The following RTEL1 variants were observed in gnomAD, a reference collection of about 807,000 sequenced individuals.
The protein encoded by RTEL1 is regulator of telomere length.
Under a neutral mutation model 162.2 loss-of-function variants are expected in RTEL1, and 86 were observed. The ratio of observed to expected loss-of-function variants is 0.53; its 90% CI spans 0.45 to 0.63. The LOEUF is 0.63. RTEL1 is among the 30% of genes least tolerant of loss of function. RTEL1 has a pLI of 0.00. For missense variants in RTEL1, 1,941 were observed against 1,750.2 expected (o/e 1.11, Z -1.95); for synonymous variants, 958 against 717.9 (o/e 1.33, Z -5.35).
chr20:63,693,386 C>G (rs937216246), intron 30 of RTEL1, 103 bp downstream of exon 30: 2 of 1,430,528 alleles, frequency 1.4e-6, no homozygotes, highest in Non-Finnish European at 1.9e-6. Context: ...CCTGCTTGGC[C>G]CCGCCTCTCT....
At chr20:63,683,409 G>A (rs1040642808) in intron 14 of RTEL1, among the ~76,000 whole-genome samples, 2 of 152,234 alleles carry the variant, frequency 1.3e-5, no homozygotes, top group African/African-American at 4.8e-5. Context: ...CCTGTGTTTA[G>A]CTGTCTTGAC....
intron 21 of RTEL1, chr20:63,688,813 C>G (rs1292075948): frequency 1.6e-6 from 1 of 634,028 alleles, no homozygotes; most frequent in Non-Finnish European, 2.7e-6. Flanking sequence ...TAACAGTGGC[C>G]CTCCTGTCTG....
chr20:63,661,997 C>CA lies in RTEL1; in HGVS notation c.395+55dup. ...GGGGTCCTCAAGAGAACCAGCTTGGCATGGTGCTGAGTCCACAGCCCCATG... is the reference window on the plus strand; with the variant it reads ...GGGGTCCTCAAGAGAACCAGCTTGGCAATGGTGCTGAGTCCACAGCCCCATG... On this transcript the variant is annotated intron_variant, in intron 4 of 34. Coordinates refer to ENST00000360203, the MANE Select transcript of RTEL1 (RefSeq NM_001283009.2). The surrounding 1 kb of genome is among the most constrained non-coding windows in gnomAD (Gnocchi z 5.1). 7.4e-7 allele frequency: 1 copy of CA among 1,357,822 alleles called. No individual in the cohort carries two copies. Among genetic ancestry groups the CA allele is most frequent in the Non-Finnish European group, 1.1e-6 (1 of 947,788 alleles). 84.1% of individuals were successfully genotyped at this position (1,357,822 alleles called of 1,614,324 possible).
In RTEL1 at chr20:63,695,871, G is replaced by A; in HGVS notation, c.*13G>A. 6.4e-7 allele frequency: 1 copy of A among 1,570,918 alleles called. No homozygotes were observed. Among genetic ancestry groups the A allele is most frequent in the Non-Finnish European group, 8.6e-7 (1 of 1,159,606 alleles). On this transcript the variant is annotated 3_prime_UTR_variant, in exon 35 of 35. Transcript: ENST00000360203. ...AGAGCCCCAGTGAGTGCCCACGGAG[G>A]CCCCCAGCACACCCAACGTGGCTTG...
chr20:63,688,492 C>T (rs1468627446), intron 20 of RTEL1, 36 bp from the exon 21 acceptor site: 1 of 1,606,104 alleles, frequency 6.2e-7, no homozygotes, highest in East Asian at 2.2e-5. Context: ...GGCGGCGTGA[C>T]CAGGGCTGCC....
At position 63,678,171 on chromosome 20, in the gene RTEL1, G is replaced by A; in HGVS notation, c.946G>A (p.Ala316Thr). Residue 316 changes from alanine to threonine, a missense_variant, in exon 11 of 35, where the codon GCA (alanine) becomes ACA (threonine). By Grantham distance (58) the Ala-to-Thr change is moderately conservative. Transcript: ENST00000360203. ...GCTGAACATGGAGCTGGAAGACATTGCAAAGCTGAAGAGTAAGTGTTGCCC... is the reference window on the plus strand; with the variant it reads ...GCTGAACATGGAGCTGGAAGACATTACAAAGCTGAAGAGTAAGTGTTGCCC... ...PGLNMELEDI[A>T]KLKMILLRLE... 1 of 1,614,050 alleles carries A rather than the reference G, an allele frequency of 6.2e-7. No individual in the cohort carries two copies. The highest frequency in any genetic ancestry group is 8.5e-7 in the Non-Finnish European group (1 of 1,179,918).
At chr20:63,663,280 A>T (rs995760974) in intron 6 of RTEL1, among the ~76,000 whole-genome samples, 4 of 152,222 alleles carry the variant, frequency 2.6e-5, no homozygotes, top group Admixed American at 2.0e-4. Flanking sequence ...ACCGGCCCTC[A>T]TACCATCTTG....
In RTEL1 at chr20:63,694,890, A is replaced by G; in HGVS notation, c.3259A>G (p.Lys1087Glu). 10 of 1,612,558 alleles carry G rather than the reference A, an allele frequency of 6.2e-6. No individual in the cohort carries two copies. Among genetic ancestry groups the G allele is most frequent in the Non-Finnish European group, 8.5e-6 (10 of 1,179,848 alleles). The change falls in exon 32 of 35, where the codon AAG (lysine) becomes GAG (glutamate). Residue 1087 changes from lysine to glutamate, a missense_variant. By Grantham distance (56) the Lys-to-Glu change is moderately conservative. Transcript: ENST00000360203. ...ACTCTTGGCAGCGCTGACAGCCTAT[A>G]AGCAAGACGACGACCTCGACAAGGT... ...SQLLAALTAY[K>E]QDDDLDKVLA...
chr20:63,693,022 G>A lies in RTEL1; in HGVS notation c.2851+19G>A, dbSNP rs373177624. On this transcript the variant is annotated intron_variant, in intron 29 of 34. Transcript: ENST00000360203. ...CTCCAAGGTGCCCTGGCTTGCAGAG[G>A]CCACCCACCCTGAGGGCAGTGCTGC... The A allele has an allele frequency of 1.4e-4, 219 of 1,612,060 alleles. No homozygotes were observed. Among genetic ancestry groups the A allele is most frequent in the Non-Finnish European group, 1.6e-4 (189 of 1,179,408 alleles).
chr20:63,676,707 A>G (rs1319353882), intron 10 of RTEL1, among the ~76,000 whole-genome samples: 3 of 152,156 alleles, frequency 2.0e-5, no homozygotes, highest in Admixed American at 2.0e-4. Flanking sequence ...AGGCCCAGGC[A>G]GGCGGATCAC....
intron 10 of RTEL1, among the ~76,000 whole-genome samples, chr20:63,677,350 C>T (rs2090376160): frequency 6.6e-6 from 1 of 152,198 alleles, no homozygotes; most frequent in Non-Finnish European, 1.5e-5. Context: ...GGCATAAGGG[C>T]TCAGCGGTAA....
intron 10 of RTEL1, among the ~76,000 whole-genome samples, chr20:63,676,890 G>T (rs948610838): frequency 7.1e-6 from 1 of 140,040 alleles, no homozygotes; most frequent in African/African-American, 2.8e-5. Flanking sequence ...AGCCGAGATC[G>T]CACCATTGCA....
intron 14 of RTEL1, chr20:63,682,440 G>A: frequency 4.1e-6 from 4 of 985,696 alleles, no homozygotes; most frequent in Non-Finnish European, 4.8e-6. Flanking sequence ...TCCACACTCT[G>A]GAACCGGATC....
rs1319285958 is a variant in RTEL1, at chr20:63,690,884, C to T, written c.2493C>T (p.Pro831=). 7 of 1,591,562 alleles carry T rather than the reference C, an allele frequency of 4.4e-6. No homozygotes were observed. The highest frequency in any genetic ancestry group is 5.1e-6 in the Non-Finnish European group (6 of 1,170,114). ...EQEPVPARQR[P]RGLLAALEHS... Reference sequence around the variant, plus strand: ...AGCCAGTTCCTGCCCGGCAGAGGCCCAGGGGGCTGCTGGCCGCCCTGGAGC... The same window carrying T: ...AGCCAGTTCCTGCCCGGCAGAGGCCTAGGGGGCTGCTGGCCGCCCTGGAGC... The change falls in exon 27 of 35, where the codon CCC becomes CCT. Residue 831 remains proline, a synonymous_variant. Coordinates refer to ENST00000360203, the MANE Select transcript of RTEL1 (RefSeq NM_001283009.2).
chr20:63,666,449 A>G (rs6011002), intron 7 of RTEL1, among the ~76,000 whole-genome samples: 12,944 of 152,314 alleles, frequency 0.085, 615 homozygotes, highest in African/African-American at 0.11. Context: ...TGTTCTTTTG[A>G]GGACAGCAGA....
chr20:63,662,837 G>T lies in RTEL1; in HGVS notation c.486G>T (p.Leu162Phe). The change falls in exon 6 of 35, where the codon TTG becomes TTT. Residue 162 changes from leucine to phenylalanine, a missense_variant. Coordinates refer to ENST00000360203, the MANE Select transcript of RTEL1 (RefSeq NM_001283009.2). ...KQESNHLQIH[L>F]CRKKVASRSC... is the part of the protein sequence containing the mutation. ...TGCCCTTCCTCCCACAGATCCACTTGTGCCGTAAGAAGGTGGCAAGTCGCT... is the reference window on the plus strand; with the variant it reads ...TGCCCTTCCTCCCACAGATCCACTTTTGCCGTAAGAAGGTGGCAAGTCGCT... 1 of 1,613,942 alleles carries T rather than the reference G, an allele frequency of 6.2e-7. No homozygotes were observed. Among genetic ancestry groups the T allele is most frequent in the Non-Finnish European group, 8.5e-7 (1 of 1,180,034 alleles).
In RTEL1 at chr20:63,688,609, G is replaced by A. The variant is rs370973086; in HGVS notation, c.1800+4G>A. The A allele has an allele frequency of 2.7e-5, 44 of 1,603,448 alleles. No individual in the cohort carries two copies. Among genetic ancestry groups the A allele is most frequent in the Middle Eastern group, 1.7e-4 (1 of 5,758 alleles). ...GAGCAAAGGCAGCTTCTCCGAGGTC[G>A]GCACTTGGCCGGGGCTCTGGGCCTG... is the stretch of plus-strand genomic sequence containing the variant. On this transcript the variant is annotated splice_donor_region_variant and intron_variant, in intron 21 of 34. Coordinates refer to ENST00000360203, the MANE Select transcript of RTEL1 (RefSeq NM_001283009.2).
At chr20:63,683,002 C>A (rs2090509127) in intron 14 of RTEL1, among the ~76,000 whole-genome samples, 1 of 152,128 alleles carries the variant, frequency 6.6e-6, no homozygotes, top group Non-Finnish European at 1.5e-5. Context: ...CTCGCTTTGT[C>A]ACCCCGGCTG....
intron 17 of RTEL1, 60 bp from the exon 18 acceptor site, chr20:63,687,877 C>T (rs894889813): frequency 1.4e-5 from 22 of 1,591,860 alleles, no homozygotes; most frequent in African/African-American, 2.7e-5. Context: ...TCTCGGGCCT[C>T]GAGGGCTAAA....
Sources: gnomAD v4.1 joint callset for allele counts (sites outside exome capture counted in the v4.1 genomes callset) on GRCh38, gnomAD v4.1.1 for gene constraint, Gnocchi (gnomAD v3.1) non-coding constraint, MANE v1.5 for transcripts, NCBI Gene and HGNC (gene_info 2026-07-23, HGNC 2026-07-21) for gene names.